NEO1: variants seen among roughly 807,000 people sequenced by gnomAD.
NEO1 encodes the protein neogenin 1.
Under a neutral mutation model 159.7 loss-of-function variants are expected in NEO1, and 63 were observed. That is an observed-to-expected ratio of 0.39 (90% CI 0.32 to 0.49). The LOEUF is 0.49. NEO1 is among the 20% of genes least tolerant of loss of function. NEO1 has a pLI of 0.85. For synonymous variants in NEO1, 633 were observed against 662.0 expected (o/e 0.96, Z 0.67); for missense variants, 1,615 against 1,831.0 (o/e 0.88, Z 2.15).
chr15:73,070,839 A>T (rs2068497313), intron 1 of NEO1, among the ~76,000 whole-genome samples: 1 of 152,326 alleles, frequency 6.6e-6, no homozygotes, highest in East Asian at 1.9e-4. Context: ...GGTAACTGAA[A>T]CTGTAGAAAG....
chr15:73,096,974 A>T (rs1052035800), intron 1 of NEO1, among the ~76,000 whole-genome samples: 1 of 151,870 alleles, frequency 6.6e-6, no homozygotes, highest in Admixed American at 6.6e-5. Flanking sequence ...AAAAAAGAAA[A>T]ATTAGCTGGG....
intron 7 of NEO1, among the ~76,000 whole-genome samples, chr15:73,230,225 A>G (rs1348285750): frequency 6.6e-6 from 1 of 152,126 alleles, no homozygotes; most frequent in Non-Finnish European, 1.5e-5. Flanking sequence ...CAGTTTCTCT[A>G]TTATAGGTCG....
intron 1 of NEO1, among the ~76,000 whole-genome samples, chr15:73,103,401 T>C (rs1202660719): frequency 2.6e-5 from 4 of 152,188 alleles, no homozygotes; most frequent in East Asian, 3.9e-4. Context: ...TGCCAGCTTG[T>C]TTCCAGGCCT....
At position 73,302,842 on chromosome 15, in the gene NEO1, C is replaced by G. The variant is rs2042673863; in HGVS notation, c.*146C>G. On this transcript the variant is annotated 3_prime_UTR_variant, in exon 29 of 29. Transcript: ENST00000261908. ...GACTGGCCAGCGCCTCTGTGTAGGGCTGGCTCCAGGCATGGCCACCTGCCT... is the reference window on the plus strand; with the variant it reads ...GACTGGCCAGCGCCTCTGTGTAGGGGTGGCTCCAGGCATGGCCACCTGCCT... The G allele has an allele frequency of 1.4e-6, 1 of 707,696 alleles. No individual in the cohort carries two copies. The highest frequency in any genetic ancestry group is 2.4e-6 in the Non-Finnish European group (1 of 423,290). The allele number at this position is 707,696 out of a possible 1,614,324, so 43.8% of individuals were successfully genotyped here. A position where few individuals can be genotyped will look rare whatever the true frequency, so the allele number is the denominator to read the frequency against.
At chr15:73,294,893 G>A (rs1176518043) in intron 26 of NEO1, among the ~76,000 whole-genome samples, 1 of 151,974 alleles carries the variant, frequency 6.6e-6, no homozygotes, top group Non-Finnish European at 1.5e-5. Context: ...ATCAAATGAA[G>A]CTTTATTAAG....
At chr15:73,158,583 T>C (rs1369205725) in intron 5 of NEO1, among the ~76,000 whole-genome samples, 9 of 152,104 alleles carry the variant, frequency 5.9e-5, no homozygotes, top group Admixed American at 2.0e-4. Flanking sequence ...GAGATGGCGA[T>C]CTCACTTTGT....
At chr15:73,085,459 G>A (rs140029376) in intron 1 of NEO1, among the ~76,000 whole-genome samples, 96 of 152,246 alleles carry the variant, frequency 6.3e-4, no homozygotes, top group Non-Finnish European at 1.2e-3. Flanking sequence ...AGGTTTTTGC[G>A]TCAACATGTT....
intron 1 of NEO1, among the ~76,000 whole-genome samples, chr15:73,097,648 A>G (rs2070138148): frequency 6.6e-6 from 1 of 152,092 alleles, no homozygotes. Context: ...GGCGCGAGCC[A>G]CTATGCCCAG....
At position 73,122,853 on chromosome 15, in the gene NEO1, T is replaced by C; in HGVS notation, c.724+53T>C. ...TTTTATGTTTATGAATGGGTAAACA[T>C]TGTTCTGTTAGAATTTTTAAAAATA... On this transcript the variant is annotated intron_variant, in intron 3 of 28. Coordinates refer to ENST00000261908, the MANE Select transcript of NEO1 (RefSeq NM_002499.4). The C allele has an allele frequency of 4.4e-6, 7 of 1,589,548 alleles. No individual in the cohort carries two copies. The Admixed American group carries it at 1.2e-4, about 27-fold the overall frequency.
intron 1 of NEO1, among the ~76,000 whole-genome samples, chr15:73,073,319 T>C (rs1169799495): frequency 6.6e-6 from 1 of 151,876 alleles, no homozygotes; most frequent in East Asian, 1.9e-4. Context: ...CAGCTGGAGA[T>C]GGAATTTGGA....
intron 9 of NEO1, among the ~76,000 whole-genome samples, chr15:73,247,315 G>A (rs763608242): frequency 6.6e-6 from 1 of 152,090 alleles, no homozygotes; most frequent in African/African-American, 2.4e-5. Context: ...CATTTATTAT[G>A]CCACTGTACA....
chr15:73,068,227 C>A (rs575998197), intron 1 of NEO1, among the ~76,000 whole-genome samples: 2 of 109,816 alleles, frequency 1.8e-5, no homozygotes, highest in Admixed American at 1.0e-4. Flanking sequence ...CCCCCTACCC[C>A]CCCCCCTTTT....
chr15:73,303,975 A>G lies in NEO1; in HGVS notation c.*1279A>G, dbSNP rs2042705626. 6.6e-6 allele frequency: 1 copy of G among 152,210 alleles called. No homozygotes were observed. Among genetic ancestry groups the G allele is most frequent in the South Asian group, 2.1e-4 (1 of 4,834 alleles). The allele number at this position is 152,210 out of a possible 1,614,324, so 9.4% of individuals were successfully genotyped here. A position where few individuals can be genotyped will look rare whatever the true frequency, so the allele number is the denominator to read the frequency against. ...TTCAGCCAGTCCAGCGCTCTCTTCC[A>G]CACTTCAGAGCCCCTTCAGAGAAAG... On this transcript the variant is annotated 3_prime_UTR_variant, in exon 29 of 29. Coordinates refer to ENST00000261908, the MANE Select transcript of NEO1 (RefSeq NM_002499.4).
In NEO1 at chr15:73,266,181, T is replaced by C. The variant is rs146510343; in HGVS notation, c.2399-135T>C. On this transcript the variant is annotated intron_variant, in intron 15 of 28. Coordinates refer to ENST00000261908, the MANE Select transcript of NEO1 (RefSeq NM_002499.4). Reference sequence around the variant, plus strand: ...TCCATCTCCATATCTCCCTACAACCTGAAATAATCCCCCATAAAAATTTTT... The same window carrying C: ...TCCATCTCCATATCTCCCTACAACCCGAAATAATCCCCCATAAAAATTTTT... The C allele has an allele frequency of 1.2e-3, 739 of 636,914 alleles. 4 individuals are homozygous for C. The African/African-American group carries it at 0.013, about 11-fold the overall frequency. The allele number at this position is 636,914 out of a possible 1,614,324, so 39.5% of individuals were successfully genotyped here.
rs147535630 is a variant in NEO1 at position 73,298,408 on chromosome 15, G to T, written c.3962G>T (p.Cys1321Phe). The T allele has an allele frequency of 3.1e-6, 5 of 1,614,200 alleles. No individual in the cohort carries two copies. Among genetic ancestry groups the T allele is most frequent in the Middle Eastern group, 1.6e-4 (1 of 6,062 alleles). ...TMPASSSQTC[C>F]TDHQDPEGAT... ...CCAGCCTCTTCGTCTCAAACATGCT[G>T]CACTGATCACCAGGACCCTGAAGGT... Residue 1321 changes from cysteine to phenylalanine, a missense_variant, in exon 27 of 29, where the codon TGC (cysteine) becomes TTC (phenylalanine). Cys to Phe is a radical substitution (Grantham distance 205). Coordinates refer to ENST00000261908, the MANE Select transcript of NEO1 (RefSeq NM_002499.4).
In NEO1 at chr15:73,301,445, A is replaced by C; in HGVS notation, c.4290A>C (p.Glu1430Asp). ...TGCAGGAGACCACAAGGATGTTGGA[A>C]GACTCCGAGAGTGTAAGTTCGTGGG... is the stretch of plus-strand genomic sequence containing the variant. ...PEVQETTRML[E>D]DSESSYEPDE... The change falls in exon 28 of 29, where the codon GAA (glutamate) becomes GAC (aspartate). Residue 1430 changes from glutamate to aspartate, a missense_variant. Physicochemically the swap from Glu to Asp is conservative, Grantham distance 45 (BLOSUM62 2). This residue lies in a region of NEO1 where 471 missense variants were observed against 498.9 expected (regional missense o/e 0.94). Coordinates refer to ENST00000261908, the MANE Select transcript of NEO1 (RefSeq NM_002499.4). The C allele has an allele frequency of 6.2e-7, 1 of 1,614,180 alleles. No homozygotes were observed. The highest frequency in any genetic ancestry group is 8.5e-7 in the Non-Finnish European group (1 of 1,180,034).
intron 7 of NEO1, among the ~76,000 whole-genome samples, chr15:73,191,581 GA>G (rs765929861): frequency 3.2e-4 from 48 of 149,534 alleles, no homozygotes; most frequent in Non-Finnish European, 6.0e-4. Flanking sequence ...AGCATTAAAG[GA>G]GATTAAAAGT....
In NEO1 at chr15:73,270,686, G is replaced by T. The variant is rs189850287; in HGVS notation, c.2857+232G>T. ...TTACAAAGCACTGGGTAGATGTAAGGGATTATTGCCATTAATCCTGCTTTA... is the reference window on the plus strand; with the variant it reads ...TTACAAAGCACTGGGTAGATGTAAGTGATTATTGCCATTAATCCTGCTTTA... On this transcript the variant is annotated intron_variant, in intron 18 of 28. Transcript: ENST00000261908. Among the ~76,000 whole-genome samples the T allele has an allele frequency of 3.1e-3, 473 of 152,272 alleles. 2 individuals are homozygous for T. The highest frequency in any genetic ancestry group is 0.011 in the African/African-American group (450 of 41,544).
At position 73,161,511 on chromosome 15, in the gene NEO1, T is replaced by G. The variant is rs113097325; in HGVS notation, c.1016-14892T>G. The stretch of plus-strand genomic sequence containing the variant: ...TGTGTACATTCTTGTCTCCCCACCA[T>G]TTCCATGTCTGACCACTGCTACTAC... On this transcript the variant is annotated intron_variant, in intron 5 of 28. Transcript: ENST00000261908. Among the ~76,000 whole-genome samples, 443 of 152,312 alleles carry G rather than the reference T, an allele frequency of 2.9e-3. 1 individual carries two copies. The highest frequency in any genetic ancestry group is 0.017 in the East Asian group (86 of 5,178).
Sources: gnomAD v4.1 joint callset for allele counts (sites outside exome capture counted in the v4.1 genomes callset) on GRCh38, gnomAD v4.1.1 for gene constraint, gnomAD v4.1.1 regional missense constraint, MANE v1.5 for transcripts, NCBI Gene and HGNC (gene_info 2026-07-23, HGNC 2026-07-21) for gene names.